The following AGBL1 variants were observed in gnomAD, a reference collection of about 807,000 sequenced individuals.
AGBL1 encodes cytosolic carboxypeptidase 4.
AGBL1 carries 130 observed loss-of-function variants against 118.9 expected under a neutral mutation model. That is an observed-to-expected ratio of 1.09 (90% CI 0.95 to 1.26). The LOEUF (loss-of-function observed/expected upper bound fraction) is 1.26. Among genes scored for constraint, AGBL1 ranks in the 50% most tolerant of loss-of-function variants. The pLI is 0.00. For synonymous variants in AGBL1, 555 were observed against 478.9 expected, an observed-to-expected ratio of 1.16 and a Z score of -2.08; for missense variants, 1,584 against 1,298.1, an observed-to-expected ratio of 1.22 and a Z score of -3.38.
intron 24 of AGBL1, among the ~76,000 whole-genome samples, chr15:87,008,722 C>A (rs991274457): frequency 6.6e-6 from 1 of 152,118 alleles, no homozygotes; most frequent in Non-Finnish European, 1.5e-5. Flanking sequence ...ACAATGAAAT[C>A]CAGGCTGAAG....
chr15:86,355,136 A>C (rs1596007102), intron 17 of AGBL1, among the ~76,000 whole-genome samples: 1 of 152,202 alleles, frequency 6.6e-6, no homozygotes, highest in African/African-American at 2.4e-5. Context: ...TTTGGCTTCT[A>C]TTGTACAGAC....
intron 18 of AGBL1, among the ~76,000 whole-genome samples, chr15:86,457,727 G>T (rs1002325481): frequency 6.6e-6 from 1 of 152,100 alleles, no homozygotes; most frequent in Non-Finnish European, 1.5e-5. Flanking sequence ...TAGTTTTGTT[G>T]GTTGAAAGGA....
chr15:86,274,228 T>C (rs1175745464), intron 15 of AGBL1, among the ~76,000 whole-genome samples: 1 of 152,212 alleles, frequency 6.6e-6, no homozygotes, highest in Non-Finnish European at 1.5e-5. Flanking sequence ...AATTTTGTTG[T>C]GGAGTTTACC....
chr15:86,855,409 T>G (rs940513556), intron 22 of AGBL1, among the ~76,000 whole-genome samples: 1 of 152,202 alleles, frequency 6.6e-6, no homozygotes, highest in Non-Finnish European at 1.5e-5. Flanking sequence ...AGGGCTTGAA[T>G]GATATGTGTG....
chr15:86,135,093 C>G (rs140553874), intron 1 of AGBL1, among the ~76,000 whole-genome samples: 2 of 152,112 alleles, frequency 1.3e-5, no homozygotes, highest in Admixed American at 6.5e-5. Context: ...GTGTTTGGAT[C>G]GTAGGGGCAG....
intron 21 of AGBL1, among the ~76,000 whole-genome samples, chr15:86,655,560 C>T (rs557219678): frequency 8.5e-4 from 129 of 152,190 alleles, no homozygotes; most frequent in African/African-American, 2.9e-3. Flanking sequence ...TTATATTATG[C>T]GTAATTCTGT....
intron 21 of AGBL1, among the ~76,000 whole-genome samples, chr15:86,656,425 C>A (rs1189083656): frequency 2.0e-5 from 3 of 152,128 alleles, no homozygotes; most frequent in African/African-American, 7.2e-5. Flanking sequence ...AAAACAACTT[C>A]ATTACAAACC....
chr15:86,952,696 C>A (rs553947498), intron 23 of AGBL1, among the ~76,000 whole-genome samples: 47 of 152,236 alleles, frequency 3.1e-4, no homozygotes, highest in African/African-American at 1.0e-3. Context: ...TTAGGTCCAA[C>A]TTGTCAATTT....
At chr15:86,921,076 C>A (rs1351591179), downstream of AGBL1, among the ~76,000 whole-genome samples, 1 of 152,100 alleles carries the variant, frequency 6.6e-6, no homozygotes, top group Non-Finnish European at 1.5e-5. Flanking sequence ...GGAAGGGAGG[C>A]AGAGGTTATA....
intron 21 of AGBL1, among the ~76,000 whole-genome samples, chr15:86,640,570 T>C (rs1410578182): frequency 6.6e-6 from 1 of 152,156 alleles, no homozygotes; most frequent in Non-Finnish European, 1.5e-5. Flanking sequence ...AAAACTATTA[T>C]TTTGTTGGTA....
At chr15:86,930,679 G>C (rs755288392) in intron 23 of AGBL1, among the ~76,000 whole-genome samples, 63 of 152,060 alleles carry the variant, frequency 4.1e-4, no homozygotes, top group Non-Finnish European at 1.2e-4. Context: ...TGAAAAAAAT[G>C]ATAAAAAAGA....
At chr15:86,367,199 T>A (rs1202326377) in intron 17 of AGBL1, among the ~76,000 whole-genome samples, 1 of 152,200 alleles carries the variant, frequency 6.6e-6, no homozygotes, top group African/African-American at 2.4e-5. Context: ...GAGAATGGAA[T>A]CTTTAAGCAT....
chr15:86,702,253 A>T (rs2086372882), intron 22 of AGBL1, among the ~76,000 whole-genome samples: 2 of 152,296 alleles, frequency 1.3e-5, no homozygotes, highest in African/African-American at 4.8e-5. Context: ...ATAAAAAGGA[A>T]CTGACAAGCA....
chr15:86,303,953 T>C (rs2079796080), intron 17 of AGBL1, among the ~76,000 whole-genome samples: 1 of 152,088 alleles, frequency 6.6e-6, no homozygotes, highest in Non-Finnish European at 1.5e-5. Flanking sequence ...AAGTAGGAGG[T>C]AGAGCTTGGA....
intron 3 of AGBL1, 57 bp downstream of exon 3, chr15:86,143,902 A>G (rs2076998521): frequency 2.5e-6 from 4 of 1,575,476 alleles, no homozygotes; most frequent in East Asian, 4.5e-5. Flanking sequence ...GGTTGTTATC[A>G]TGAGTGCAAT....
At chr15:86,649,048 A>T (rs977170812) in intron 21 of AGBL1, among the ~76,000 whole-genome samples, 1 of 152,172 alleles carries the variant, frequency 6.6e-6, no homozygotes, top group East Asian at 1.9e-4. Flanking sequence ...TTGAATGCTG[A>T]TGGGAATGAT....
intron 18 of AGBL1, among the ~76,000 whole-genome samples, chr15:86,512,203 C>T (rs751660612): frequency 2.3e-4 from 35 of 152,014 alleles, no homozygotes; most frequent in Non-Finnish European, 3.8e-4. Context: ...TCAAGTCTGT[C>T]GCTGAGGTGT....
intron 22 of AGBL1, among the ~76,000 whole-genome samples, chr15:86,781,021 T>A (rs2078328487): frequency 6.6e-6 from 1 of 152,176 alleles, no homozygotes; most frequent in Admixed American, 6.6e-5. Context: ...TTATAATTTT[T>A]ATTAATTTAA....
chr15:86,779,094 C>T (rs560406224), intron 22 of AGBL1, among the ~76,000 whole-genome samples: 9 of 151,990 alleles, frequency 5.9e-5, no homozygotes, highest in Admixed American at 4.6e-4. Flanking sequence ...CTCCTGGTGT[C>T]TCCTTTTGCT....
Sources: allele counts gnomAD v4.1 joint callset (sites outside exome capture counted in the v4.1 genomes callset), GRCh38; gene constraint gnomAD v4.1.1; transcripts MANE v1.5; gene names NCBI Gene and HGNC (gene_info 2026-07-23, HGNC 2026-07-21).